Variants in SUGCT observed in about 807,000 individuals in gnomAD.
SUGCT encodes succinyl-CoA:glutarate-CoA transferase, also known as succinyl-CoA:glutarate CoA-transferase.
SUGCT carries 41 observed loss-of-function variants against 55.0 expected under a neutral mutation model. That is an observed-to-expected ratio of 0.74 (90% CI 0.58 to 0.97). The LOEUF (loss-of-function observed/expected upper bound fraction) is 0.97, where lower values mean the gene tolerates loss of function less well. Ranked by LOEUF, SUGCT falls within the 50% of genes least tolerant of loss-of-function variation. SUGCT has a pLI of 0.00. For synonymous variants in SUGCT, 187 were observed against 200.4 expected (o/e 0.93, Z 0.56); for missense variants, 568 against 547.8 (o/e 1.04, Z -0.37).
chr7:40,290,034 C>T (rs10265537), intron 8 of SUGCT, among the ~76,000 whole-genome samples: 81,856 of 151,258 alleles, frequency 0.54, 24,082 homozygotes, highest in Non-Finnish European at 0.67. Flanking sequence ...GAACATTCCA[C>T]GCTCATGGAT....
At chr7:40,888,690 G>A in the SUGCT span, among the ~76,000 whole-genome samples, 1 of 152,214 alleles carries the variant, frequency 6.6e-6, no homozygotes, top group Non-Finnish European at 1.5e-5. Flanking sequence ...ACAGGCATGG[G>A]TTGGGTGCAC....
At chr7:41,038,628 G>A in the SUGCT span, among the ~76,000 whole-genome samples, 1 of 152,286 alleles carries the variant, frequency 6.6e-6, no homozygotes, top group Non-Finnish European at 1.5e-5. Context: ...CCTGCTGTGG[G>A]ACAGCTTTAG....
intron 7 of SUGCT, among the ~76,000 whole-genome samples, chr7:40,241,888 C>G (rs1789419599): frequency 1.3e-5 from 2 of 148,472 alleles, no homozygotes; most frequent in Admixed American, 1.4e-4. Context: ...CCACTGTACT[C>G]CAGCCTGGCG....
intron 1 of SUGCT, among the ~76,000 whole-genome samples, chr7:40,158,527 G>A (rs1345027258): frequency 2.6e-5 from 4 of 152,240 alleles, no homozygotes; most frequent in Admixed American, 2.0e-4. Context: ...GAGGCAGGCA[G>A]ATCACCTGAG....
intron 6 of SUGCT, among the ~76,000 whole-genome samples, chr7:40,236,108 A>C (rs1343574917): frequency 6.6e-6 from 1 of 152,070 alleles, no homozygotes; most frequent in Non-Finnish European, 1.5e-5. Context: ...CCCAGGCTGC[A>C]GTGCGGTGGT....
At chr7:40,599,083 C>T (rs991947185) in intron 12 of SUGCT, among the ~76,000 whole-genome samples, 6 of 152,142 alleles carry the variant, frequency 3.9e-5, no homozygotes, top group Admixed American at 1.3e-4. Context: ...CTTGTTGCTG[C>T]TGCCAACTTC....
At chr7:40,535,992 C>A (rs1794341250) in intron 12 of SUGCT, among the ~76,000 whole-genome samples, 1 of 152,052 alleles carries the variant, frequency 6.6e-6, no homozygotes, top group African/African-American at 2.4e-5. Context: ...CTCTTCATAC[C>A]TTTTGCCCAT....
intron 8 of SUGCT, among the ~76,000 whole-genome samples, chr7:40,303,547 G>A (rs186882158): frequency 4.6e-4 from 70 of 150,886 alleles, no homozygotes; most frequent in African/African-American, 1.6e-3. Flanking sequence ...ACAGTGGCGC[G>A]ATCTTGACTC....
chr7:40,340,825 CG>C (rs141024510), intron 9 of SUGCT, among the ~76,000 whole-genome samples: 2,047 of 152,036 alleles, frequency 0.013, 36 homozygotes, highest in African/African-American at 0.046. Flanking sequence ...AGGGTGCTCA[CG>C]GGGAAAAAAG....
chr7:40,797,445 G>A (rs1051736679), intron 13 of SUGCT, among the ~76,000 whole-genome samples: 1 of 151,996 alleles, frequency 6.6e-6, no homozygotes, highest in Admixed American at 6.6e-5. Context: ...TCACTGTCTG[G>A]ATTATCGGTC....
At chr7:40,741,019 C>T (rs1787434037) in intron 12 of SUGCT, among the ~76,000 whole-genome samples, 1 of 152,128 alleles carries the variant, frequency 6.6e-6, no homozygotes, top group South Asian at 2.1e-4. Context: ...GTGGCTCACA[C>T]CTGTAATCCC....
the SUGCT span, among the ~76,000 whole-genome samples, chr7:41,033,251 T>C: frequency 6.6e-6 from 1 of 152,214 alleles, no homozygotes; most frequent in Non-Finnish European, 1.5e-5. Context: ...GATCAACAAC[T>C]GCAAACTTCT....
chr7:40,398,222 G>T (rs561517788), intron 9 of SUGCT, among the ~76,000 whole-genome samples: 13 of 152,282 alleles, frequency 8.5e-5, no homozygotes, highest in African/African-American at 3.1e-4. Context: ...CTTTTGAGTG[G>T]CTGGGATTAC....
At chr7:40,141,879 C>T (rs913257898) in intron 1 of SUGCT, 2 of 409,542 alleles carry the variant, frequency 4.9e-6, no homozygotes, top group South Asian at 1.9e-5. Context: ...CAATGGTGAG[C>T]ACACACCTGG....
chr7:40,346,640 C>T (rs1416773671), intron 9 of SUGCT, among the ~76,000 whole-genome samples: 1 of 152,176 alleles, frequency 6.6e-6, no homozygotes, highest in Non-Finnish European at 1.5e-5. Flanking sequence ...CAGACATACA[C>T]ACACACTGTT....
At chr7:40,971,780 C>G in the SUGCT span, among the ~76,000 whole-genome samples, 1 of 152,154 alleles carries the variant, frequency 6.6e-6, no homozygotes, top group Non-Finnish European at 1.5e-5. Flanking sequence ...ACAGGCAGAG[C>G]TGTGTCCCAT....
chr7:40,726,992 C>CT (rs1786644449), intron 12 of SUGCT, among the ~76,000 whole-genome samples: 1 of 152,216 alleles, frequency 6.6e-6, no homozygotes, highest in African/African-American at 2.4e-5. Context: ...GCTAAAATGA[C>CT]TATGTATATT....
the SUGCT span, among the ~76,000 whole-genome samples, chr7:40,888,616 C>G: frequency 6.6e-6 from 1 of 152,094 alleles, no homozygotes; most frequent in Non-Finnish European, 1.5e-5. Context: ...AAAAAATAAC[C>G]ATGTCACATA....
At chr7:40,883,558 A>G in the SUGCT span, among the ~76,000 whole-genome samples, 1 of 152,194 alleles carries the variant, frequency 6.6e-6, no homozygotes, top group Non-Finnish European at 1.5e-5. Flanking sequence ...ATAGCTATTT[A>G]TCTCACAGAA....
Sources: gnomAD v4.1 joint callset for allele counts (sites outside exome capture counted in the v4.1 genomes callset) on GRCh38, gnomAD v4.1.1 for gene constraint, MANE v1.5 for transcripts, NCBI Gene and HGNC (gene_info 2026-07-23, HGNC 2026-07-21) for gene names.